The following CROCC variants were observed in gnomAD, a reference collection of about 807,000 sequenced individuals.
CROCC encodes ciliary rootlet coiled-coil, rootletin.
In CROCC, 180 loss-of-function variants were observed where a neutral mutation model predicts 245.2. The observed-to-expected ratio is 0.73, with a 90% CI of 0.65 to 0.83. CROCC has a LOEUF of 0.83. Among genes scored for constraint, CROCC ranks in the 40% least tolerant of loss-of-function variants. CROCC has a pLI of 0.00. For synonymous variants in CROCC, 1,205 were observed against 1,241.6 expected (o/e 0.97, Z 0.62); for missense variants, 2,688 against 2,779.4 (o/e 0.97, Z 0.74).
In CROCC at chr1:16,931,296, C is replaced by T; in HGVS notation, c.855C>T (p.Phe285=). ...TCGGCATGTCTTCCCTCCAGTCCTT[C>T]AACGCCTACTTCAGCAACGAGCACA... ...EAAWRREEES[F]NAYFSNEHSR... is the part of the protein sequence containing the mutation. Residue 285 remains phenylalanine, a synonymous_variant, in exon 8 of 37, where the codon TTC becomes TTT. Coordinates refer to ENST00000375541, the MANE Select transcript of CROCC (RefSeq NM_014675.5). The T allele has an allele frequency of 6.2e-7, 1 of 1,610,720 alleles. No individual in the cohort carries two copies. The highest frequency in any genetic ancestry group is 8.5e-7 in the Non-Finnish European group (1 of 1,177,730).
chr1:16,943,270 G>T (rs2075970906), intron 13 of CROCC, among the ~76,000 whole-genome samples: 1 of 152,122 alleles, frequency 6.6e-6, no homozygotes. Context: ...GGGCGCATTG[G>T]CTCATGCCTG....
Position 16,972,412 on chromosome 1 carries a change from C to T in CROCC, c.6020C>T (p.Pro2007Leu). The change falls in exon 37 of 37, where the codon CCC becomes CTC. Residue 2007 changes from proline to leucine, a missense_variant. Pro to Leu is a moderately conservative substitution (Grantham distance 98). This residue lies in a region of CROCC where 1,218 missense variants were observed against 1,286.3 expected (regional missense o/e 0.95). Transcript: ENST00000375541. ...LQQELRRSSA[P>L]FSPPSGPPEK Reference sequence around the variant, plus strand: ...CAGGAGCTTCGAAGGAGCTCAGCACCCTTCTCCCCACCCTCCGGCCCCCCA... The same window carrying T: ...CAGGAGCTTCGAAGGAGCTCAGCACTCTTCTCCCCACCCTCCGGCCCCCCA... 1 of 1,613,684 alleles carries T rather than the reference C, an allele frequency of 6.2e-7. No homozygotes were observed. The highest frequency in any genetic ancestry group is 1.7e-4 in the Middle Eastern group (1 of 6,058).
Position 16,954,219 on chromosome 1 carries a change from C to G in CROCC, c.3187-4C>G. The G allele has an allele frequency of 6.2e-7, 1 of 1,609,490 alleles. No individual in the cohort carries two copies. Among genetic ancestry groups the G allele is most frequent in the East Asian group, 2.2e-5 (1 of 44,832 alleles). ...CAAGCCCTTTGTCCCCTGCCTCTGC[C>G]CAGGCCTTGTCTCTGAAGGAGTCTG... On this transcript the variant is annotated splice_region_variant and splice_polypyrimidine_tract_variant and intron_variant, in intron 21 of 36. Coordinates refer to ENST00000375541, the MANE Select transcript of CROCC (RefSeq NM_014675.5). The surrounding 1 kb of genome is among the most constrained non-coding windows in gnomAD (Gnocchi z 4.4).
rs751404530 is a variant in CROCC, at chr1:16,936,744, C to T, written c.1064C>T (p.Ala355Val). ...CGGCTGGCAGAGAGCCGGGCCGAGG[C>T]AGCCCTGGAGAAACAGGCCCTGCTG... ...GLRLAESRAE[A>V]ALEKQALLQA... The change falls in exon 9 of 37, where the codon GCA becomes GTA. Residue 355 changes from alanine (A) to valine (V), a missense_variant. By Grantham distance (64) the Ala-to-Val change is moderately conservative. Coordinates refer to ENST00000375541, the MANE Select transcript of CROCC (RefSeq NM_014675.5). 3.7e-6 allele frequency: 6 copies of T among 1,610,340 alleles called. No individual in the cohort carries two copies. Among genetic ancestry groups the T allele is most frequent in the East Asian group, 2.2e-5 (1 of 44,826 alleles).
At position 16,931,347 on chromosome 1, in the gene CROCC, G is replaced by A; in HGVS notation, c.906G>A (p.Gln302=). 6.2e-7 allele frequency: 1 copy of A among 1,612,888 alleles called. No individual in the cohort carries two copies. Among genetic ancestry groups the A allele is most frequent in the Admixed American group, 1.7e-5 (1 of 59,988 alleles). ...EHSRLLLLWR[Q]VVGFRRLVSE... ...GTCGCCTGCTCCTCCTCTGGAGGCA[G>A]GTGGTGGGGTTCCGGCGGCTGGTCA... The change falls in exon 8 of 37, where the codon CAG becomes CAA. Residue 302 remains glutamine (Q), a synonymous_variant. Coordinates refer to ENST00000375541, the MANE Select transcript of CROCC (RefSeq NM_014675.5).
At chr1:16,962,460 G>A (rs1322788465) in intron 27 of CROCC, among the ~76,000 whole-genome samples, 4 of 148,522 alleles carry the variant, frequency 2.7e-5, no homozygotes, top group Non-Finnish European at 3.0e-5. Flanking sequence ...GCGTGAACCC[G>A]GAAGATGGAG....
In CROCC at chr1:16,936,803, G is replaced by C. The variant is rs1159593992; in HGVS notation, c.1123G>C (p.Val375Leu). The C allele has an allele frequency of 3.0e-5, 48 of 1,612,002 alleles. No homozygotes were observed. Among genetic ancestry groups the C allele is most frequent in the Non-Finnish European group, 3.9e-5 (46 of 1,179,832 alleles). ...AQLEEQLRDK[V>L]LREKDLAQQQ... Reference sequence around the variant, plus strand: ...GCTGGAGGAGCAGCTGCGGGACAAGGTGCTCCGCGAGAAGGACCTGGCGCA... The same window carrying C: ...GCTGGAGGAGCAGCTGCGGGACAAGCTGCTCCGCGAGAAGGACCTGGCGCA... The change falls in exon 9 of 37, where the codon GTG becomes CTG. Residue 375 changes from valine (V) to leucine (L), a missense_variant. By Grantham distance (32) the Val-to-Leu change is conservative. Around this residue, in one of 9 missense-constraint regions of CROCC, gnomAD observed 972 missense variants for 895.3 expected, o/e 1.09. Transcript: ENST00000375541.
intron 35 of CROCC, 52 bp downstream of exon 35, chr1:16,970,819 C>T (rs1570726033): frequency 3.3e-6 from 5 of 1,493,900 alleles, no homozygotes; most frequent in East Asian, 2.4e-5. Context: ...TATGAGTGCT[C>T]AGCAATTCCA....
rs1570628875 is a variant in CROCC at position 16,938,473 on chromosome 1, A to G, written c.1364A>G (p.Asp455Gly). ...GAGGGGCTACAGCAGACCCTAAGGG[A>G]CCTGGCACAGGTGTGAGCCCAGAGA... ...DGEGLQQTLRDLAQAVLSDSE... is the reference protein window; with the variant it reads ...DGEGLQQTLRGLAQAVLSDSE... Residue 455 changes from aspartate to glycine, a missense_variant, in exon 11 of 37, where the codon GAC (aspartate) becomes GGC (glycine). Around this residue, in one of 9 missense-constraint regions of CROCC, gnomAD observed 972 missense variants for 895.3 expected, o/e 1.09. Transcript: ENST00000375541. The G allele has an allele frequency of 8.9e-6, 14 of 1,575,958 alleles. No homozygotes were observed. In the East Asian group the frequency reaches 3.0e-4, roughly 34 times the overall value.
chr1:16,922,809 C>T lies in CROCC; in HGVS notation c.196+11C>T, dbSNP rs1570580672. 6 of 1,608,780 alleles carry T rather than the reference C, an allele frequency of 3.7e-6. No individual in the cohort carries two copies. The highest frequency in any genetic ancestry group is 3.4e-6 in the Non-Finnish European group (4 of 1,178,096). ...AGCCTGAGAGCCCAGGTGCCACCCC[C>T]ATCCGCTCCCCTCCACAAACACCAC... On this transcript the variant is annotated intron_variant, in intron 2 of 36. Coordinates refer to ENST00000375541, the MANE Select transcript of CROCC (RefSeq NM_014675.5).
At chr1:16,920,762 A>G (rs1339071405), upstream of CROCC, among the ~76,000 whole-genome samples, 3 of 38,326 alleles carry the variant, frequency 7.8e-5, no homozygotes, top group African/African-American at 2.4e-4. Context: ...TTTTTTTTTG[A>G]GACAAAGTTC....
chr1:16,949,918 C>T (rs2076130934), intron 19 of CROCC, among the ~76,000 whole-genome samples: 1 of 151,618 alleles, frequency 6.6e-6, no homozygotes, highest in Non-Finnish European at 1.5e-5. Context: ...TACAGGCATG[C>T]ATCACCATGC....
At chr1:16,938,217 C>T (rs1218867296) in intron 10 of CROCC, among the ~76,000 whole-genome samples, 183 bp from the exon 11 acceptor site, 1 of 152,286 alleles carries the variant, frequency 6.6e-6, no homozygotes, top group African/African-American at 2.4e-5. Flanking sequence ...GGACATAGCT[C>T]TTCTCTGGGC....
At position 16,970,697 on chromosome 1, in the gene CROCC, G is replaced by A. The variant is rs139547234; in HGVS notation, c.5714G>A (p.Arg1905His). The part of the protein sequence containing the change: ...DTVRLSAEKG[R>H]LDRTLTGAEL... ...GTGCGGCTGAGCGCAGAGAAGGGCC[G>A]CCTGGACCGCACCCTCACGGGGGCT... The change falls in exon 35 of 37, where the codon CGC becomes CAC. Residue 1905 changes from arginine to histidine, a missense_variant. Transcript: ENST00000375541. 4.1e-5 allele frequency: 65 copies of A among 1,603,352 alleles called. No individual in the cohort carries two copies. The Middle Eastern group carries it at 1.4e-3, about 35-fold the overall frequency.
chr1:16,962,547 A>AC (rs2076350143), intron 27 of CROCC, among the ~76,000 whole-genome samples: 2 of 142,648 alleles, frequency 1.4e-5, no homozygotes, highest in African/African-American at 2.6e-5. Flanking sequence ...AAAAAAAAAA[A>AC]AAAAAAAAAA....
At position 16,954,510 on chromosome 1, in the gene CROCC, AG is replaced by A; in HGVS notation, c.3321+156del. Reference sequence around the variant, plus strand: ...CCCTTCTTTTGGGAGCCCCCATCTGAGGGAGGTGGCTCAGCCCTGCCCTGAT... The same window carrying A: ...CCCTTCTTTTGGGAGCCCCCATCTGAGGAGGTGGCTCAGCCCTGCCCTGAT... On this transcript the variant is annotated intron_variant, in intron 22 of 36. Transcript: ENST00000375541. The surrounding 1 kb of genome is among the most constrained non-coding windows in gnomAD (Gnocchi z 4.4). The A allele has an allele frequency of 8.2e-7, 1 of 1,225,824 alleles. No homozygotes were observed. 75.9% of individuals were successfully genotyped at this position (1,225,824 alleles called of 1,614,324 possible).
At chr1:16,940,492 A>T (rs2075905847) in intron 13 of CROCC, among the ~76,000 whole-genome samples, 1 of 151,754 alleles carries the variant, frequency 6.6e-6, no homozygotes, top group Non-Finnish European at 1.5e-5. Flanking sequence ...GGGTTTAAGC[A>T]ATTCTCACCT....
chr1:16,929,802 T>G, intron 3 of CROCC, 44 bp from the exon 4 acceptor site: 1 of 1,483,532 alleles, frequency 6.7e-7, no homozygotes, highest in East Asian at 2.4e-5. Context: ...TGAGCCTGCC[T>G]TCCCAGGAGG....
At position 16,947,705 on chromosome 1, in the gene CROCC, G is replaced by T. The variant is rs1232110764; in HGVS notation, c.2515-626G>T. Reference sequence around the variant, plus strand: ...GCAGGGTGCAGGTCTCCACCTTGAGGCCTGCCGAGCAGCTGCACTTGGGTC... The same window carrying T: ...GCAGGGTGCAGGTCTCCACCTTGAGTCCTGCCGAGCAGCTGCACTTGGGTC... On this transcript the variant is annotated intron_variant, in intron 17 of 36. Transcript: ENST00000375541. Among the ~76,000 whole-genome samples, 21 of 152,326 alleles carry T rather than the reference G, an allele frequency of 1.4e-4. No homozygotes were observed. The East Asian group carries it at 1.5e-3, about 11-fold the overall frequency.
Sources: allele counts gnomAD v4.1 joint callset (sites outside exome capture counted in the v4.1 genomes callset), GRCh38; gene constraint gnomAD v4.1.1; regional missense constraint gnomAD v4.1.1; non-coding constraint Gnocchi (gnomAD v3.1); transcripts MANE v1.5; gene names NCBI Gene and HGNC (gene_info 2026-07-23, HGNC 2026-07-21).